The following MDGA2 variants were observed in gnomAD, a reference collection of about 807,000 sequenced individuals.
MDGA2 encodes the protein MAM domain-containing glycosylphosphatidylinositol anchor protein 2.
A neutral mutation model predicts 117.8 loss-of-function variants in MDGA2; 40 were observed. That is an observed-to-expected ratio of 0.34 (90% CI 0.26 to 0.44). MDGA2 has a LOEUF of 0.44. MDGA2 is among the 20% of genes least tolerant of loss of function. The probability of loss-of-function intolerance (pLI) is 1.00; values close to 1 mark genes in which losing one functional copy is unlikely to be tolerated. For missense variants in MDGA2, 1,123 were observed against 1,250.6 expected (o/e 0.90, Z 1.54); for synonymous variants, 452 against 439.0 (o/e 1.03, Z -0.37).
chr14:47,274,988 A>G (rs1170515539), intron 2 of MDGA2, among the ~76,000 whole-genome samples: 1 of 152,030 alleles, frequency 6.6e-6, no homozygotes, highest in Admixed American at 6.6e-5. Flanking sequence ...ATGATTTACA[A>G]ATACCTTCTC....
At chr14:47,590,749 T>G (rs141724120) in intron 1 of MDGA2, among the ~76,000 whole-genome samples, 123 of 152,066 alleles carry the variant, frequency 8.1e-4, no homozygotes, top group Middle Eastern at 3.4e-3. Context: ...TATTGAAATA[T>G]CTCATGTACC....
intron 1 of MDGA2, among the ~76,000 whole-genome samples, chr14:47,498,529 T>C (rs185750059): frequency 4.6e-5 from 7 of 152,314 alleles, no homozygotes; most frequent in African/African-American, 7.2e-5. Context: ...TCACAGTGTC[T>C]TTCCCATCAT....
chr14:47,498,762 T>TA, intron 1 of MDGA2, among the ~76,000 whole-genome samples: 1 of 152,120 alleles, frequency 6.6e-6, no homozygotes, highest in African/African-American at 2.4e-5. Flanking sequence ...GGAAAAAATA[T>TA]TTCAATTCTT....
intron 1 of MDGA2, among the ~76,000 whole-genome samples, chr14:47,562,261 T>A (rs1361519454): frequency 1.3e-5 from 2 of 152,176 alleles, no homozygotes; most frequent in African/African-American, 2.4e-5. Flanking sequence ...TTAGGGAGGA[T>A]TCCCTCCTTC....
At chr14:47,105,795 GTCTT>G (rs1880629347) in intron 5 of MDGA2, among the ~76,000 whole-genome samples, 1 of 151,550 alleles carries the variant, frequency 6.6e-6, no homozygotes, top group South Asian at 2.1e-4. Flanking sequence ...GCATCGCTGA[GTCTT>G]TCTAATCTTC....
intron 1 of MDGA2, among the ~76,000 whole-genome samples, chr14:47,362,956 T>C (rs906603833): frequency 1.8e-4 from 27 of 152,314 alleles, no homozygotes; most frequent in African/African-American, 6.0e-4. Context: ...TATGCATCCT[T>C]GATGCAAAAG....
At chr14:47,294,360 A>C (rs1423717599) in intron 2 of MDGA2, among the ~76,000 whole-genome samples, 2 of 152,056 alleles carry the variant, frequency 1.3e-5, no homozygotes, top group Non-Finnish European at 2.9e-5. Flanking sequence ...GGCCTCCCAA[A>C]GTCCTGGGAT....
intron 2 of MDGA2, chr14:47,299,322 G>A (rs911136491): frequency 6.6e-6 from 1 of 152,160 alleles, no homozygotes; most frequent in Admixed American, 6.5e-5. Context: ...AACACCTGGG[G>A]TATGTTAGAA....
At chr14:47,640,082 A>G (rs1897395666) in intron 1 of MDGA2, among the ~76,000 whole-genome samples, 1 of 152,178 alleles carries the variant, frequency 6.6e-6, no homozygotes, top group Non-Finnish European at 1.5e-5. Context: ...CCTATTAGCT[A>G]TGCTCTCTTG....
chr14:47,096,086 T>C (rs1019945577), intron 6 of MDGA2, among the ~76,000 whole-genome samples: 1 of 152,048 alleles, frequency 6.6e-6, no homozygotes, highest in Non-Finnish European at 1.5e-5. Flanking sequence ...GGTGCCAGCA[T>C]ACTAGCTGGT....
intron 2 of MDGA2, among the ~76,000 whole-genome samples, chr14:47,245,279 T>C (rs369986334): frequency 6.6e-6 from 1 of 151,870 alleles, no homozygotes; most frequent in Non-Finnish European, 1.5e-5. Context: ...TCCTCCCCTC[T>C]TGGCCTTATG....
In MDGA2 at chr14:46,841,607, C is replaced by CTT. The variant is rs66690712; in HGVS notation, c.*322_*323dup. 30 of 146,500 alleles carry CTT rather than the reference C, an allele frequency of 2.0e-4. No individual in the cohort carries two copies. Among genetic ancestry groups the CTT allele is most frequent in the Non-Finnish European group, 2.7e-4 (19 of 69,406 alleles). 9.1% of individuals were successfully genotyped at this position (146,500 alleles called of 1,614,324 possible). ...TGCTTTGACAAGGATTTCTATAGCT[C>CTT]TTTTTTTTTTCTTTTTTTCATTTTT... On this transcript the variant is annotated 3_prime_UTR_variant, in exon 17 of 17. Transcript: ENST00000399232.
rs1297042406 is a variant in MDGA2 at position 46,873,426 on chromosome 14, A to G, written c.2752+7T>C. The G allele has an allele frequency of 1.0e-5, 16 of 1,583,474 alleles. No individual in the cohort carries two copies. Among genetic ancestry groups the G allele is most frequent in the South Asian group, 4.7e-5 (4 of 85,198 alleles). Reference sequence around the variant, plus strand: ...TTTGTAAGAATCAGTAATTATTGCTATCTCACCTATATGTTGTCCATACAT... The same window carrying G: ...TTTGTAAGAATCAGTAATTATTGCTGTCTCACCTATATGTTGTCCATACAT... On this transcript the variant is annotated splice_region_variant and intron_variant, in intron 14 of 16. Transcript: ENST00000399232.
chr14:47,540,162 C>T (rs1302964006), intron 1 of MDGA2, among the ~76,000 whole-genome samples: 2 of 152,050 alleles, frequency 1.3e-5, no homozygotes, highest in Non-Finnish European at 2.9e-5. Context: ...TACAGGCGCC[C>T]GCCACCTCGC....
chr14:47,608,757 G>A (rs1402514148), intron 1 of MDGA2, among the ~76,000 whole-genome samples: 1 of 152,110 alleles, frequency 6.6e-6, no homozygotes, highest in Non-Finnish European at 1.5e-5. Context: ...ACTGAAAACA[G>A]ACTGGAGGGG....
intron 3 of MDGA2, among the ~76,000 whole-genome samples, chr14:47,158,489 T>TG (rs1883501636): frequency 1.3e-5 from 2 of 151,430 alleles, no homozygotes; most frequent in Admixed American, 1.3e-4. Flanking sequence ...CAGCCTTTTT[T>TG]TTTTTTTCTG....
At chr14:47,225,769 AAC>A (rs1886470802) in intron 2 of MDGA2, among the ~76,000 whole-genome samples, 2 of 152,096 alleles carry the variant, frequency 1.3e-5, no homozygotes, top group African/African-American at 2.4e-5. Context: ...ATATGTAACT[AAC>A]CAGCACATTG....
intron 3 of MDGA2, among the ~76,000 whole-genome samples, chr14:47,198,515 T>C (rs1885371582): frequency 6.6e-6 from 1 of 151,986 alleles, no homozygotes; most frequent in South Asian, 2.1e-4. Context: ...GAGTTTGCAG[T>C]GAGCGGGGAT....
chr14:47,482,006 T>G (rs1313373708), intron 1 of MDGA2, among the ~76,000 whole-genome samples: 1 of 152,046 alleles, frequency 6.6e-6, no homozygotes, highest in Non-Finnish European at 1.5e-5. Context: ...GATATAGAAG[T>G]CTTATTTGAC....
Sources: allele counts gnomAD v4.1 joint callset (sites outside exome capture counted in the v4.1 genomes callset), GRCh38; gene constraint gnomAD v4.1.1; transcripts MANE v1.5; gene names NCBI Gene and HGNC (gene_info 2026-07-23, HGNC 2026-07-21).